The following OLFM3 variants were observed in gnomAD, a reference collection of about 807,000 sequenced individuals.
OLFM3 encodes noelin-3.
OLFM3 carries 20 observed loss-of-function variants against 48.6 expected under a neutral mutation model. The ratio of observed to expected loss-of-function variants is 0.41; its 90% CI spans 0.29 to 0.60. OLFM3 has a LOEUF of 0.60. Among genes scored for constraint, OLFM3 ranks in the 20% least tolerant of loss-of-function variants. The pLI is 0.28. For missense variants in OLFM3, 437 were observed against 544.3 expected, an observed-to-expected ratio of 0.80 and a Z score of 1.96; for synonymous variants, 222 against 198.1, an observed-to-expected ratio of 1.12 and a Z score of -1.01.
At chr1:101,973,815 C>T (rs747889324) in intron 1 of OLFM3, among the ~76,000 whole-genome samples, 1 of 152,138 alleles carries the variant, frequency 6.6e-6, no homozygotes, top group Non-Finnish European at 1.5e-5. Flanking sequence ...AGGTCACAGA[C>T]TGAAGGATTT....
chr1:101,967,691 G>A (rs142784881), intron 1 of OLFM3, among the ~76,000 whole-genome samples: 227 of 151,670 alleles, frequency 1.5e-3, no homozygotes, highest in Middle Eastern at 6.8e-3. Context: ...ACTTATCAGC[G>A]GAAAAAGAAA....
chr1:101,882,441 C>G (rs953331212), intron 1 of OLFM3: 1 of 150,722 alleles, frequency 6.6e-6, no homozygotes, highest in Non-Finnish European at 1.5e-5. Flanking sequence ...TAAAAATTAC[C>G]AGGCAAATCT....
chr1:101,899,591 T>C (rs548868328), intron 1 of OLFM3, among the ~76,000 whole-genome samples: 1 of 152,322 alleles, frequency 6.6e-6, no homozygotes, highest in Admixed American at 6.5e-5. Flanking sequence ...TAACATGTGT[T>C]AGTTGCTGGT....
At position 101,906,185 on chromosome 1, in the gene OLFM3, GT is replaced by G. The variant is rs1200402976; in HGVS notation, c.70-69161del. Among the ~76,000 whole-genome samples, 22 of 148,070 alleles carry G rather than the reference GT, an allele frequency of 1.5e-4. No individual in the cohort carries two copies. The South Asian group carries it at 1.9e-3, about 13-fold the overall frequency. ...TGGAGAAATGCCTTTTATAGCTCCA[GT>G]TTTTTTTTTAATGTTTGATGATACT... On this transcript the variant is annotated intron_variant, in intron 1 of 5. Coordinates refer to ENST00000370103, the MANE Select transcript of OLFM3 (RefSeq NM_058170.4).
At chr1:101,945,568 T>C (rs923718137) in intron 1 of OLFM3, among the ~76,000 whole-genome samples, 11 of 152,108 alleles carry the variant, frequency 7.2e-5, no homozygotes, top group African/African-American at 1.2e-4. Flanking sequence ...TTTTTTTTTA[T>C]ATTGGTGATA....
At chr1:101,922,220 T>C (rs1659119709) in intron 1 of OLFM3, among the ~76,000 whole-genome samples, 1 of 152,222 alleles carries the variant, frequency 6.6e-6, no homozygotes, top group South Asian at 2.1e-4. Flanking sequence ...TCATCTTTAA[T>C]ACTAACAATT....
chr1:101,804,402 A>G lies in OLFM3; in HGVS notation c.1213T>C (p.Ser405Pro). 1.2e-6 allele frequency: 2 copies of G among 1,612,514 alleles called. No individual in the cohort carries two copies. Among genetic ancestry groups the G allele is most frequent in the Non-Finnish European group, 1.7e-6 (2 of 1,178,978 alleles). ...GGAATGTCTGTGTACTCATATGTGG[A>G]GGTTTTGGTGGAATAGGAATAATAC... ...KVYYSYSTKTSTYEYTDIPFH... is the reference protein window; with the variant it reads ...KVYYSYSTKTPTYEYTDIPFH... Residue 405 changes from serine (S) to proline (P), a missense_variant, in exon 6 of 6, where the codon TCC becomes CCC. Around this residue, in one of 3 missense-constraint regions of OLFM3, gnomAD observed 108 missense variants for 135.8 expected, o/e 0.80. Coordinates refer to ENST00000370103, the MANE Select transcript of OLFM3 (RefSeq NM_058170.4). The surrounding 1 kb of genome is among the most constrained non-coding windows in gnomAD (Gnocchi z 4.5).
At chr1:101,807,234 A>C (rs1467266596) in intron 4 of OLFM3, among the ~76,000 whole-genome samples, 1 of 151,792 alleles carries the variant, frequency 6.6e-6, no homozygotes, top group Admixed American at 6.6e-5. Flanking sequence ...TTTGAACAGC[A>C]AAATTTAGAA....
intron 1 of OLFM3, among the ~76,000 whole-genome samples, chr1:101,863,666 A>C (rs2100966650): frequency 6.6e-6 from 1 of 152,330 alleles, no homozygotes; most frequent in South Asian, 2.1e-4. Flanking sequence ...TTATAGAATT[A>C]GGAAAATTAT....
At chr1:101,903,288 T>C (rs958468576) in intron 1 of OLFM3, among the ~76,000 whole-genome samples, 1 of 151,908 alleles carries the variant, frequency 6.6e-6, no homozygotes, top group Non-Finnish European at 1.5e-5. Flanking sequence ...ACAAAGACAA[T>C]TGTTAGGTAG....
chr1:101,828,192 C>T (rs563424632), intron 3 of OLFM3, among the ~76,000 whole-genome samples: 1 of 152,212 alleles, frequency 6.6e-6, no homozygotes, highest in African/African-American at 2.4e-5. Context: ...TTCTTTCACA[C>T]ATTACGCAGT....
chr1:101,898,156 G>C (rs1658266467), intron 1 of OLFM3, among the ~76,000 whole-genome samples: 1 of 152,050 alleles, frequency 6.6e-6, no homozygotes, highest in Non-Finnish European at 1.5e-5. Flanking sequence ...TTTTGGAGAA[G>C]TTATCTCATA....
chr1:101,945,522 A>G (rs1659935445), intron 1 of OLFM3, among the ~76,000 whole-genome samples: 1 of 152,166 alleles, frequency 6.6e-6, no homozygotes, highest in South Asian at 2.1e-4. Context: ...AATGGGAGGA[A>G]GAGATTACAA....
chr1:101,884,776 A>G (rs74900912), intron 1 of OLFM3, among the ~76,000 whole-genome samples: 4 of 151,960 alleles, frequency 2.6e-5, no homozygotes, highest in African/African-American at 9.7e-5. Flanking sequence ...CAGGAAGTAC[A>G]TTGTTAGTAA....
intron 1 of OLFM3, among the ~76,000 whole-genome samples, chr1:101,952,853 T>C (rs898923919): frequency 1.3e-5 from 2 of 152,104 alleles, no homozygotes; most frequent in South Asian, 2.1e-4. Context: ...ACTCTGGACA[T>C]CACAGGAGAC....
intron 3 of OLFM3, among the ~76,000 whole-genome samples, chr1:101,829,119 C>A (rs962299442): frequency 2.0e-5 from 3 of 152,158 alleles, no homozygotes; most frequent in African/African-American, 7.2e-5. Context: ...TATAATACAT[C>A]CAGCAGAGGG....
chr1:101,869,265 A>G (rs1169039264), intron 1 of OLFM3, among the ~76,000 whole-genome samples: 1 of 152,214 alleles, frequency 6.6e-6, no homozygotes, highest in African/African-American at 2.4e-5. Flanking sequence ...CAAAGCCACA[A>G]GAGCAGAGCT....
chr1:101,930,429 G>T (rs767231009), intron 1 of OLFM3, among the ~76,000 whole-genome samples: 6 of 152,228 alleles, frequency 3.9e-5, no homozygotes, highest in Admixed American at 6.5e-5. Flanking sequence ...TTTAAATATG[G>T]TTTTTCCACC....
chr1:101,936,500 G>A (rs1659623214), intron 1 of OLFM3, among the ~76,000 whole-genome samples: 1 of 151,964 alleles, frequency 6.6e-6, no homozygotes. Context: ...CCATACTCAT[G>A]GAACCAATAT....
Sources: allele counts gnomAD v4.1 joint callset (sites outside exome capture counted in the v4.1 genomes callset), GRCh38; gene constraint gnomAD v4.1.1; regional missense constraint gnomAD v4.1.1; non-coding constraint Gnocchi (gnomAD v3.1); transcripts MANE v1.5; gene names NCBI Gene and HGNC (gene_info 2026-07-23, HGNC 2026-07-21).